SLC68A1: variants seen among roughly 807,000 people sequenced by gnomAD.
SLC68A1 encodes solute carrier family 68 member 1, also known as major facilitator superfamily domain containing 13A.
the SLC68A1 span, chr10:102,474,037 G>A: frequency 6.4e-7 from 1 of 1,564,530 alleles, no homozygotes; most frequent in Non-Finnish European, 8.7e-7. Context: ...GCAGGCAAGG[G>A]CTCTTAAGGC....
the SLC68A1 span, among the ~76,000 whole-genome samples, chr10:102,466,584 AG>A: frequency 6.6e-6 from 1 of 152,010 alleles, no homozygotes; most frequent in Non-Finnish European, 1.5e-5. Flanking sequence ...CACTCTTAGT[AG>A]GAAGTACAGT....
chr10:102,462,790 C>G, the SLC68A1 span, among the ~76,000 whole-genome samples: 7 of 152,182 alleles, frequency 4.6e-5, no homozygotes, highest in African/African-American at 1.7e-4. Flanking sequence ...AGCTCTCTTC[C>G]CAGATTGTTT....
chr10:102,464,616 C>T, the SLC68A1 span, among the ~76,000 whole-genome samples: 14 of 151,022 alleles, frequency 9.3e-5, no homozygotes, highest in Admixed American at 8.6e-4. Flanking sequence ...ATGGTGAAAC[C>T]CTGTCTCTAC....
the SLC68A1 span, chr10:102,473,874 C>T: frequency 1.2e-6 from 2 of 1,614,042 alleles, no homozygotes; most frequent in Admixed American, 1.7e-5. Context: ...GGTCACTGAC[C>T]TGGTAGACGA....
At chr10:102,470,079 G>A in the SLC68A1 span, 1 of 1,613,560 alleles carries the variant, frequency 6.2e-7, no homozygotes, top group Admixed American at 1.7e-5. Context: ...AGCCCCGGTT[G>A]GTGTATTGGG....
the SLC68A1 span, among the ~76,000 whole-genome samples, chr10:102,465,149 C>T: frequency 6.6e-6 from 1 of 152,102 alleles, no homozygotes; most frequent in East Asian, 1.9e-4. Flanking sequence ...ATCCCAGCTA[C>T]TCAGGAGGCT....
chr10:102,468,924 C>T, the SLC68A1 span: 1 of 905,734 alleles, frequency 1.1e-6, no homozygotes, highest in Admixed American at 2.6e-5. Context: ...TGGCTCTGAT[C>T]CCTGTTGCTC....
At chr10:102,470,519 G>T in the SLC68A1 span, 6 of 1,317,774 alleles carry the variant, frequency 4.6e-6, no homozygotes, top group South Asian at 8.5e-5. Flanking sequence ...CTAAGTTGCA[G>T]ACTGGGGACT....
the SLC68A1 span, chr10:102,475,574 G>A: frequency 1.1e-6 from 1 of 892,774 alleles, no homozygotes; most frequent in South Asian, 1.8e-5. Context: ...GATGGGAAGA[G>A]TAGGAGAGGA....
the SLC68A1 span, chr10:102,475,767 C>T: frequency 6.2e-7 from 1 of 1,613,514 alleles, no homozygotes; most frequent in Non-Finnish European, 8.5e-7. Context: ...GTGGGGAGTG[C>T]CCATCCCTGG....
the SLC68A1 span, among the ~76,000 whole-genome samples, chr10:102,475,031 C>A: frequency 6.6e-6 from 1 of 151,750 alleles, no homozygotes; most frequent in African/African-American, 2.4e-5. Context: ...GTGGCTCACA[C>A]CTGTAATCCC....
At chr10:102,471,924 G>T in the SLC68A1 span, 1 of 404,586 alleles carries the variant, frequency 2.5e-6, no homozygotes, top group South Asian at 1.7e-5. Context: ...CAGGCTCTCT[G>T]GGTAGCCCTG....
At chr10:102,476,869 A>C in the SLC68A1 span, 5 of 985,448 alleles carry the variant, frequency 5.1e-6, no homozygotes, top group Non-Finnish European at 6.0e-6. Flanking sequence ...AGCTGACTGT[A>C]AGTCCCACCT....
chr10:102,473,948 G>T, the SLC68A1 span: 3 of 1,613,164 alleles, frequency 1.9e-6, no homozygotes, highest in Admixed American at 1.7e-5. Context: ...TGGTTGCCTT[G>T]GTGACCAAGC....
chr10:102,468,786 T>C, the SLC68A1 span: 2 of 418,066 alleles, frequency 4.8e-6, no homozygotes, highest in South Asian at 3.6e-5. Flanking sequence ...CCCAGATTAG[T>C]GGTGTCTAGC....
chr10:102,471,403 G>A, the SLC68A1 span: 5 of 1,608,500 alleles, frequency 3.1e-6, no homozygotes, highest in Non-Finnish European at 4.3e-6. Flanking sequence ...GCAGGTATGG[G>A]GAGCAGCTCC....
At chr10:102,475,628 G>T in the SLC68A1 span, 2 of 1,415,652 alleles carry the variant, frequency 1.4e-6, no homozygotes, top group Non-Finnish European at 1.9e-6. Context: ...ACACGTCCAT[G>T]TGGTGTCTGA....
chr10:102,472,900 A>G, the SLC68A1 span: 1 of 1,614,074 alleles, frequency 6.2e-7, no homozygotes, highest in South Asian at 1.1e-5. Context: ...CTCTTCCTGG[A>G]GCATCTGTTG....
the SLC68A1 span, chr10:102,468,225 T>A: frequency 1.3e-5 from 2 of 152,252 alleles, no homozygotes. Flanking sequence ...TTCTGTGAGT[T>A]ACCTTGTTTA....
Sources: gnomAD v4.1 joint callset for allele counts (sites outside exome capture counted in the v4.1 genomes callset) on GRCh38, gnomAD v4.1.1 for gene constraint, MANE v1.5 for transcripts, NCBI Gene and HGNC (gene_info 2026-07-23, HGNC 2026-07-21) for gene names.